Variants in DISP3 observed in about 807,000 individuals in gnomAD.
DISP3 encodes dispatched RND transporter family member 3.
DISP3 carries 101 observed loss-of-function variants against 135.3 expected under a neutral mutation model. The observed-to-expected ratio is 0.75, with a 90% CI of 0.64 to 0.88. The LOEUF (loss-of-function observed/expected upper bound fraction) is 0.88. Ranked by LOEUF, DISP3 falls within the 40% of genes least tolerant of loss-of-function variation. The probability of loss-of-function intolerance (pLI) is 0.00; values close to 1 mark genes in which losing one functional copy is unlikely to be tolerated. For missense variants in DISP3, 1,713 were observed against 1,878.6 expected, an observed-to-expected ratio of 0.91 and a Z score of 1.63; for synonymous variants, 856 against 817.0, an observed-to-expected ratio of 1.05 and a Z score of -0.81.
At chr1:11,533,336 AC>A (rs1308980978) in intron 17 of DISP3, among the ~76,000 whole-genome samples, 1 of 145,628 alleles carries the variant, frequency 6.9e-6, no homozygotes, top group Non-Finnish European at 1.5e-5. Context: ...GCTCCCTGCA[AC>A]CTCCGCCTCC....
At position 11,491,281 on chromosome 1, in the gene DISP3, G is replaced by A. The variant is rs566322707; in HGVS notation, c.-3-9709G>A. Among the ~76,000 whole-genome samples the A allele has an allele frequency of 2.6e-5, 4 of 152,334 alleles. No homozygotes were observed. Among genetic ancestry groups the A allele is most frequent in the Admixed American group, 1.3e-4 (2 of 15,312 alleles). ...TTCCAAGAATGCTTCTGGACCGCCT[G>A]TATCAGAATCACCTGGGGAGGTGGT... On this transcript the variant is annotated intron_variant, in intron 1 of 20. Transcript: ENST00000294484. This position sits in a 1 kb window ranked among gnomAD's most constrained non-coding sequence, Gnocchi z 4.3.
chr1:11,514,276 T>C, intron 3 of DISP3, 114 bp from the exon 4 acceptor site: 1 of 1,275,682 alleles, frequency 7.8e-7, no homozygotes, highest in Non-Finnish European at 1.1e-6. Flanking sequence ...CCAACCAAGG[T>C]AGAGTCACAG....
chr1:11,523,423 G>A (rs75100834), intron 10 of DISP3, among the ~76,000 whole-genome samples: 40 of 152,014 alleles, frequency 2.6e-4, no homozygotes, highest in Non-Finnish European at 1.6e-4. Context: ...CGACAGAGGC[G>A]GCAGAGTGGC....
rs778904658 is a variant in DISP3 at position 11,516,083 on chromosome 1, C to T, written c.1671C>T (p.Thr557=). The T allele has an allele frequency of 9.3e-6, 15 of 1,614,054 alleles. No homozygotes were observed. Among genetic ancestry groups the T allele is most frequent in the Admixed American group, 3.3e-5 (2 of 60,000 alleles). Residue 557 remains threonine, a synonymous_variant, in exon 6 of 21, where the codon ACC becomes ACT. Coordinates refer to ENST00000294484, the MANE Select transcript of DISP3 (RefSeq NM_020780.2). This position sits in a 1 kb window ranked among gnomAD's most constrained non-coding sequence, Gnocchi z 5.1. ...LEDPQLRMIH[T]VQTAGKATFF... ...ACCCACAGCTGCGCATGATCCACAC[C>T]GTCCAAACTGCAGGCAAGGCCACCT...
chr1:11,511,272 C>T lies in DISP3; in HGVS notation c.1317-3118C>T, dbSNP rs541404183. The stretch of plus-strand genomic sequence containing the variant: ...CAGCATTAACCCAAAAGTCCACAGT[C>T]CAAAGTCTCATCTGAGACAAGGCAA... On this transcript the variant is annotated intron_variant, in intron 3 of 20. Coordinates refer to ENST00000294484, the MANE Select transcript of DISP3 (RefSeq NM_020780.2). 2.6e-5 allele frequency among the ~76,000 whole-genome samples: 4 copies of T among 152,286 alleles called. No individual in the cohort carries two copies. In the East Asian group the frequency reaches 7.7e-4, roughly 29 times the overall value.
intron 1 of DISP3, among the ~76,000 whole-genome samples, chr1:11,484,526 A>T (rs1340357744): frequency 1.3e-5 from 2 of 152,226 alleles, no homozygotes; most frequent in Non-Finnish European, 1.5e-5. Flanking sequence ...CCCTGAGGGC[A>T]TTAGTGAAGT....
Position 11,482,601 on chromosome 1 carries a change from A to G in DISP3, c.-4+3229A>G, listed in dbSNP as rs547322660. On this transcript the variant is annotated intron_variant, in intron 1 of 20. Transcript: ENST00000294484. ...TGATGGTTGACAATAACAATACTATAGGTGTTGATAATGATGTTAGCATTG... is the reference window on the plus strand; with the variant it reads ...TGATGGTTGACAATAACAATACTATGGGTGTTGATAATGATGTTAGCATTG... 7.9e-5 allele frequency among the ~76,000 whole-genome samples: 12 copies of G among 152,296 alleles called. No individual in the cohort carries two copies. The South Asian group carries it at 1.5e-3, about 18-fold the overall frequency.
At chr1:11,524,199 G>A in intron 11 of DISP3, 144 bp downstream of exon 11, 2 of 645,836 alleles carry the variant, frequency 3.1e-6, no homozygotes, top group South Asian at 1.9e-5. Flanking sequence ...AGCTGGGGAT[G>A]GGGGGTGAAT....
Position 11,519,258 on chromosome 1 carries a change from G to C in DISP3, c.1890-97G>C. ...TCCTGTGTGTGACGTCAGCAGCACT[G>C]TGATACCTGGGTTCATCTGATCCTC... is the stretch of plus-strand genomic sequence containing the variant. On this transcript the variant is annotated intron_variant, in intron 7 of 20. Coordinates refer to ENST00000294484, the MANE Select transcript of DISP3 (RefSeq NM_020780.2). This position sits in a 1 kb window ranked among gnomAD's most constrained non-coding sequence, Gnocchi z 4.3. 7.1e-7 allele frequency: 1 copy of C among 1,405,044 alleles called. No homozygotes were observed. Among genetic ancestry groups the C allele is most frequent in the Non-Finnish European group, 9.8e-7 (1 of 1,021,966 alleles). The allele number at this position is 1,405,044 out of a possible 1,614,324, so 87.0% of individuals were successfully genotyped here. A position where few individuals can be genotyped will look rare whatever the true frequency, so the allele number is the denominator to read the frequency against.
At position 11,531,737 on chromosome 1, in the gene DISP3, C is replaced by T; in HGVS notation, c.3375+27C>T. ...TGAGCCCAGGCAGCCTCACTGGGTGCCATGCTGCGTACTTGCCCGGGGTGT... is the reference window on the plus strand; with the variant it reads ...TGAGCCCAGGCAGCCTCACTGGGTGTCATGCTGCGTACTTGCCCGGGGTGT... On this transcript the variant is annotated intron_variant, in intron 17 of 20. Transcript: ENST00000294484. The surrounding 1 kb of genome is among the most constrained non-coding windows in gnomAD (Gnocchi z 5.2). 2 of 1,573,040 alleles carry T rather than the reference C, an allele frequency of 1.3e-6. No homozygotes were observed. Among genetic ancestry groups the T allele is most frequent in the Admixed American group, 1.7e-5 (1 of 57,222 alleles).
intron 2 of DISP3, 86 bp downstream of exon 2, chr1:11,502,174 C>G: frequency 6.8e-7 from 1 of 1,474,222 alleles, no homozygotes; most frequent in Non-Finnish European, 8.9e-7. Flanking sequence ...AGGCCCAGGC[C>G]CAGGCCCAGG....
At position 11,525,207 on chromosome 1, in the gene DISP3, G is replaced by A. The variant is rs1263047966; in HGVS notation, c.2508G>A (p.Val836=). Residue 836 remains valine, a synonymous_variant, in exon 12 of 21, where the codon GTG becomes GTA. Transcript: ENST00000294484. The part of the protein sequence containing the change: ...DFPGTVYISK[V]KSQGHPAVYR... ...CAGGCACCGTGTACATCTCTAAAGTGAAGAGTCAAGGCCACCCCGCTGTCT... is the reference window on the plus strand; with the variant it reads ...CAGGCACCGTGTACATCTCTAAAGTAAAGAGTCAAGGCCACCCCGCTGTCT... The A allele has an allele frequency of 6.2e-7, 1 of 1,614,072 alleles. No individual in the cohort carries two copies. The highest frequency in any genetic ancestry group is 1.7e-5 in the Admixed American group (1 of 60,028).
At chr1:11,517,685 A>G in intron 7 of DISP3, 83 bp downstream of exon 7, 1 of 1,522,830 alleles carries the variant, frequency 6.6e-7, no homozygotes, top group Non-Finnish European at 8.9e-7. Context: ...CCTCTCTTCC[A>G]AAAGCCTTCT....
At chr1:11,530,052 C>T in intron 15 of DISP3, 93 bp downstream of exon 15, 3 of 1,508,670 alleles carry the variant, frequency 2.0e-6, no homozygotes, top group East Asian at 2.3e-5. Flanking sequence ...CAGCTCCTCA[C>T]ACCCCCTCTT....
rs777507009 is a variant in DISP3 at position 11,520,691 on chromosome 1, G to A, written c.2205G>A (p.Leu735=). 2.5e-6 allele frequency: 4 copies of A among 1,613,146 alleles called. No homozygotes were observed. In the South Asian group the frequency reaches 4.4e-5, roughly 18 times the overall value. The change falls in exon 10 of 21, where the codon CTG becomes CTA. Residue 735 remains leucine (L), a synonymous_variant. Coordinates refer to ENST00000294484, the MANE Select transcript of DISP3 (RefSeq NM_020780.2). This position sits in a 1 kb window ranked among gnomAD's most constrained non-coding sequence, Gnocchi z 4.8. The stretch of plus-strand genomic sequence containing the variant: ...TGTAGCGCCCTTTCCTCACAGGGCT[G>A]TTCGTCTCCATCCTCATCTTGTCCC... ...AVKSRWVIVG[L]FVSILILSLV...
At chr1:11,497,452 G>A (rs770153710) in intron 1 of DISP3, among the ~76,000 whole-genome samples, 1 of 151,832 alleles carries the variant, frequency 6.6e-6, no homozygotes, top group Non-Finnish European at 1.5e-5. Flanking sequence ...GCAGTGGTGC[G>A]ATCTGGGCTC....
At position 11,519,620 on chromosome 1, in the gene DISP3, TG is replaced by T; in HGVS notation, c.2039-96del. 1.3e-6 allele frequency: 2 copies of T among 1,569,730 alleles called. No individual in the cohort carries two copies. The highest frequency in any genetic ancestry group is 1.7e-6 in the Non-Finnish European group (2 of 1,156,660). On this transcript the variant is annotated intron_variant, in intron 8 of 20. Coordinates refer to ENST00000294484, the MANE Select transcript of DISP3 (RefSeq NM_020780.2). This position sits in a 1 kb window ranked among gnomAD's most constrained non-coding sequence, Gnocchi z 4.3. Reference sequence around the variant, plus strand: ...GCTGGGGGCCGGACAAGATGGCCTGTGGGCTTCCTCACCAGGCATCTGGGCT... The same window carrying T: ...GCTGGGGGCCGGACAAGATGGCCTGTGGCTTCCTCACCAGGCATCTGGGCT...
chr1:11,490,248 G>T lies in DISP3; in HGVS notation c.-3-10742G>T, dbSNP rs553281174. Among the ~76,000 whole-genome samples, 6 of 152,268 alleles carry T rather than the reference G, an allele frequency of 3.9e-5. No homozygotes were observed. In the East Asian group the frequency reaches 1.2e-3, roughly 29 times the overall value. On this transcript the variant is annotated intron_variant, in intron 1 of 20. Coordinates refer to ENST00000294484, the MANE Select transcript of DISP3 (RefSeq NM_020780.2). The stretch of plus-strand genomic sequence containing the variant: ...ATATTTCACAGGTTCTGTAAGTGTT[G>T]CTGGGGTTTTTTGTTTTTGTTTTTG...
chr1:11,535,174 GAC>G, intron 19 of DISP3, 50 bp downstream of exon 19: 1 of 1,517,964 alleles, frequency 6.6e-7, no homozygotes. Context: ...GACGGGAACA[GAC>G]AGTCTCCCCG....
Sources: gnomAD v4.1 joint callset for allele counts (sites outside exome capture counted in the v4.1 genomes callset) on GRCh38, gnomAD v4.1.1 for gene constraint, Gnocchi (gnomAD v3.1) non-coding constraint, MANE v1.5 for transcripts, NCBI Gene and HGNC (gene_info 2026-07-23, HGNC 2026-07-21) for gene names.